HDAC7: variants seen among roughly 807,000 people sequenced by gnomAD.
The protein encoded by HDAC7 is histone deacetylase 7, also known as histone deacetylase 7A.
A neutral mutation model predicts 115.5 loss-of-function variants in HDAC7; 26 were observed. The ratio of observed to expected loss-of-function variants is 0.23; its 90% CI spans 0.16 to 0.31. The LOEUF (loss-of-function observed/expected upper bound fraction) is 0.31, where lower values mean the gene tolerates loss of function less well. Ranked by LOEUF, HDAC7 falls within the 10% of genes least tolerant of loss-of-function variation. HDAC7 has a pLI of 1.00. For synonymous variants in HDAC7, 564 were observed against 550.9 expected (o/e 1.02, Z -0.33); for missense variants, 1,068 against 1,329.0 (o/e 0.80, Z 3.05).
chr12:47,802,128 C>G (rs942791752), intron 2 of HDAC7, 96 bp downstream of exon 2: 1 of 1,341,854 alleles, frequency 7.5e-7, no homozygotes, highest in African/African-American at 1.5e-5. Context: ...GCCAGCGACC[C>G]TGCTTCTCTA....
chr12:47,803,479 C>T lies in HDAC7; in HGVS notation c.20-1205G>A, dbSNP rs1228448942. The stretch of plus-strand genomic sequence containing the variant: ...CGACTGCCCCTCAAACCAGCCCATG[C>T]TTTGGGTAACAAAGTTCGGTCCGAA... On this transcript the variant is annotated intron_variant, in intron 1 of 25. Transcript: ENST00000080059. The surrounding 1 kb of genome is among the most constrained non-coding windows in gnomAD (Gnocchi z 4.0). Among the ~76,000 whole-genome samples the T allele has an allele frequency of 6.6e-6, 1 of 152,204 alleles. No homozygotes were observed. Among genetic ancestry groups the T allele is most frequent in the Non-Finnish European group, 1.5e-5 (1 of 68,032 alleles).
Position 47,783,592 on chromosome 12 carries a change from T to A in HDAC7, c.*249A>T. On this transcript the variant is annotated 3_prime_UTR_variant, in exon 26 of 26. Transcript: ENST00000080059. The stretch of plus-strand genomic sequence containing the variant: ...CCAGGGCCCATACTGGAGGGGAGAA[T>A]CTGTTCTCGAGAGCCCTGTGGGGGT... The A allele has an allele frequency of 1.9e-6, 1 of 540,540 alleles. No individual in the cohort carries two copies. Among genetic ancestry groups the A allele is most frequent in the East Asian group, 3.3e-5 (1 of 30,474 alleles). 33.5% of individuals were successfully genotyped at this position (540,540 alleles called of 1,614,324 possible).
chr12:47,817,689 C>A (rs1350886337), intron 1 of HDAC7: 1 of 152,300 alleles, frequency 6.6e-6, no homozygotes, highest in East Asian at 1.9e-4. Context: ...GACCCTGGGC[C>A]TTGCATTAGC....
chr12:47,785,219 TG>T (rs1176578953), intron 24 of HDAC7, 167 bp downstream of exon 24: 3 of 642,892 alleles, frequency 4.7e-6, no homozygotes, highest in Non-Finnish European at 5.5e-6. Context: ...AACCCCTCAC[TG>T]GGGGGTGCTC....
Position 47,783,657 on chromosome 12 carries a change from C to G in HDAC7, c.*184G>C. ...TCTCCTCTCAGGGTCCTCTCCAGTT[C>G]CCATTCTAGACCCAGGGATTTTCTC... On this transcript the variant is annotated 3_prime_UTR_variant, in exon 26 of 26. Coordinates refer to ENST00000080059, the MANE Select transcript of HDAC7 (RefSeq NM_015401.5). 1 of 669,962 alleles carries G rather than the reference C, an allele frequency of 1.5e-6. No homozygotes were observed. Among genetic ancestry groups the G allele is most frequent in the South Asian group, 1.8e-5 (1 of 56,284 alleles). The allele number at this position is 669,962 out of a possible 1,614,324, so 41.5% of individuals were successfully genotyped here.
At position 47,785,788 on chromosome 12, in the gene HDAC7, G is replaced by A. The variant is rs755589098; in HGVS notation, c.2670C>T (p.Ala890=). The A allele has an allele frequency of 6.2e-7, 1 of 1,609,624 alleles. No individual in the cohort carries two copies. Among genetic ancestry groups the A allele is most frequent in the South Asian group, 1.1e-5 (1 of 90,060 alleles). ...GAAGAGCAGCCACACAGGCCTCAGA[G>A]GCGTCACAGATGGCTGTGAGGTCAT... is the stretch of plus-strand genomic sequence containing the variant. ...GGHDLTAICD[A]SEACVAALLG... is the part of the protein sequence containing the mutation. The change falls in exon 23 of 26, where the codon GCC becomes GCT. Residue 890 remains alanine, a synonymous_variant. Coordinates refer to ENST00000080059, the MANE Select transcript of HDAC7 (RefSeq NM_015401.5).
rs1406428191 is a variant in HDAC7, at chr12:47,798,980, C to T, written c.71-8G>A. On this transcript the variant is annotated splice_region_variant and splice_polypyrimidine_tract_variant and intron_variant, in intron 2 of 25. Transcript: ENST00000080059. The surrounding 1 kb of genome is among the most constrained non-coding windows in gnomAD (Gnocchi z 4.3). ...CACAGGGCCTGGGGCAGCCTAGGGA[C>T]AGAGAGAGGGAGCAGGGTAAACTGG... The T allele has an allele frequency of 2.0e-6, 3 of 1,484,562 alleles. No individual in the cohort carries two copies. Among genetic ancestry groups the T allele is most frequent in the Non-Finnish European group, 2.7e-6 (3 of 1,117,354 alleles). The allele number at this position is 1,484,562 out of a possible 1,614,324, so 92.0% of individuals were successfully genotyped here.
In HDAC7 at chr12:47,797,266, A is replaced by G; in HGVS notation, c.577+118T>C. 1 of 1,552,846 alleles carries G rather than the reference A, an allele frequency of 6.4e-7. No individual in the cohort carries two copies. Among genetic ancestry groups the G allele is most frequent in the African/African-American group, 1.4e-5 (1 of 73,796 alleles). On this transcript the variant is annotated intron_variant, in intron 6 of 25. Coordinates refer to ENST00000080059, the MANE Select transcript of HDAC7 (RefSeq NM_015401.5). The surrounding 1 kb of genome is among the most constrained non-coding windows in gnomAD (Gnocchi z 5.5). ...AAGGCAGAACTAGAAAGAAGATCCT[A>G]GCCTACCGATGATCTCCTGGCCCAG...
chr12:47,792,688 G>C, intron 13 of HDAC7: 1 of 455,928 alleles, frequency 2.2e-6, no homozygotes, highest in Non-Finnish European at 4.4e-6. Flanking sequence ...ATAATCCCAA[G>C]CATGAGGAAA....
chr12:47,799,272 C>G (rs765536001), intron 2 of HDAC7: 8 of 352,900 alleles, frequency 2.3e-5, no homozygotes, highest in African/African-American at 8.5e-5. Flanking sequence ...CTCCCTGGGC[C>G]GGGGGCTGAG....
At chr12:47,791,087 CT>C in intron 16 of HDAC7, 171 bp downstream of exon 16, 1 of 672,150 alleles carries the variant, frequency 1.5e-6, no homozygotes, top group Non-Finnish European at 2.6e-6. Context: ...CGAGACACGC[CT>C]GTCCAAAAGG....
In HDAC7 at chr12:47,797,627, G is replaced by GA. The variant is rs1388631423; in HGVS notation, c.462-129dup. On this transcript the variant is annotated intron_variant, in intron 5 of 25. Transcript: ENST00000080059. The surrounding 1 kb of genome is among the most constrained non-coding windows in gnomAD (Gnocchi z 5.5). ...GGGCTGGGCAATGTGGGGCTGGTAG[G>GA]AATGGGGACCATCTCCAGGTGGCAG... The GA allele has an allele frequency of 1.5e-6, 1 of 658,440 alleles. No individual in the cohort carries two copies. Among genetic ancestry groups the GA allele is most frequent in the Non-Finnish European group, 2.6e-6 (1 of 384,306 alleles). 40.8% of individuals were successfully genotyped at this position (658,440 alleles called of 1,614,324 possible).
chr12:47,802,285 A>C lies in HDAC7; in HGVS notation c.20-11T>G, dbSNP rs1456224850. 8 of 1,613,504 alleles carry C rather than the reference A, an allele frequency of 5.0e-6. No individual in the cohort carries two copies. In the African/African-American group the frequency reaches 1.1e-4, roughly 22 times the overall value. The stretch of plus-strand genomic sequence containing the variant: ...TCACCTGGGTCCCATCTGTAGAGAG[A>C]GAGACGGAGTGAAAGAGCTGCAGGG... On this transcript the variant is annotated splice_polypyrimidine_tract_variant and intron_variant, in intron 1 of 25. Coordinates refer to ENST00000080059, the MANE Select transcript of HDAC7 (RefSeq NM_015401.5).
At chr12:47,796,879 C>T in intron 7 of HDAC7, 138 bp downstream of exon 7, 1 of 937,212 alleles carries the variant, frequency 1.1e-6, no homozygotes, top group Middle Eastern at 3.6e-4. Context: ...CCCGCTTCGG[C>T]AAGTGTGTGG....
Position 47,798,092 on chromosome 12 carries a change from G to A in HDAC7, c.461+16C>T. ...GGTGCATGTGGGGACAGGAGGGCAG[G>A]TGAGGAGGGTGTTACCTGTAGGGAA... On this transcript the variant is annotated intron_variant, in intron 5 of 25. Coordinates refer to ENST00000080059, the MANE Select transcript of HDAC7 (RefSeq NM_015401.5). This position sits in a 1 kb window ranked among gnomAD's most constrained non-coding sequence, Gnocchi z 4.3. The A allele has an allele frequency of 6.3e-7, 1 of 1,578,714 alleles. No individual in the cohort carries two copies. The highest frequency in any genetic ancestry group is 8.7e-7 in the Non-Finnish European group (1 of 1,147,950).
chr12:47,789,017 C>A (rs998389931), intron 19 of HDAC7: 16 of 512,346 alleles, frequency 3.1e-5, no homozygotes, highest in Non-Finnish European at 6.9e-6. Context: ...AAAGACAACA[C>A]TCAAATGACA....
Position 47,798,056 on chromosome 12 carries a change from C to T in HDAC7, c.461+52G>A, listed in dbSNP as rs1278605446. 62 of 1,085,402 alleles carry T rather than the reference C, an allele frequency of 5.7e-5. 1 individual carries two copies. Among genetic ancestry groups the T allele is most frequent in the Admixed American group, 1.3e-4 (6 of 45,088 alleles). 67.2% of individuals were successfully genotyped at this position (1,085,402 alleles called of 1,614,324 possible). A position where few individuals can be genotyped will look rare whatever the true frequency, so the allele number is the denominator to read the frequency against. ...TGTGTGCTCATGGCTAACACGGGGG[C>T]GGGGGTGGAGGGTGCATGTGGGGAC... On this transcript the variant is annotated intron_variant, in intron 5 of 25. Transcript: ENST00000080059. This position sits in a 1 kb window ranked among gnomAD's most constrained non-coding sequence, Gnocchi z 4.3.
rs376008192 is a variant in HDAC7 at position 47,787,645 on chromosome 12, C to A, written c.2453+67G>T. ...TGACAATCCAACTGATCACCTCCCC[C>A]CTGGTGCTCTTGGGAGAAGGGACAG... is the stretch of plus-strand genomic sequence containing the variant. On this transcript the variant is annotated intron_variant, in intron 21 of 25. Transcript: ENST00000080059. 1.5e-5 allele frequency: 17 copies of A among 1,131,990 alleles called. No individual in the cohort carries two copies. In the African/African-American group the frequency reaches 1.9e-4, roughly 12 times the overall value. 70.1% of individuals were successfully genotyped at this position (1,131,990 alleles called of 1,614,324 possible).
At position 47,793,422 on chromosome 12, in the gene HDAC7, G is replaced by T; in HGVS notation, c.1625C>A (p.Ala542Asp). The T allele has an allele frequency of 6.4e-7, 1 of 1,562,548 alleles. No individual in the cohort carries two copies. Among genetic ancestry groups the T allele is most frequent in the Non-Finnish European group, 8.7e-7 (1 of 1,153,486 alleles). ...SLSAPEPASQ[A>D]RVLSSSETPA... ...GGTCTCTGAGCTGGAGAGGACTCGG[G>T]CCTGGCTGGCAGGCTCTGGGGCTGA... Residue 542 changes from alanine to aspartate, a missense_variant, in exon 13 of 26, where the codon GCC becomes GAC. Around this residue, in one of 6 missense-constraint regions of HDAC7, gnomAD observed 618 missense variants for 701.5 expected, o/e 0.88. Coordinates refer to ENST00000080059, the MANE Select transcript of HDAC7 (RefSeq NM_015401.5). This position sits in a 1 kb window ranked among gnomAD's most constrained non-coding sequence, Gnocchi z 4.5.
Sources: allele counts gnomAD v4.1 joint callset (sites outside exome capture counted in the v4.1 genomes callset), GRCh38; gene constraint gnomAD v4.1.1; regional missense constraint gnomAD v4.1.1; non-coding constraint Gnocchi (gnomAD v3.1); transcripts MANE v1.5; gene names NCBI Gene and HGNC (gene_info 2026-07-23, HGNC 2026-07-21).